OVCH2: variants seen among roughly 807,000 people sequenced by gnomAD.
OVCH2 encodes ovochymase 2.
OVCH2 carries 88 observed loss-of-function variants against 73.7 expected under a neutral mutation model. The ratio of observed to expected loss-of-function variants is 1.19; its 90% CI spans 1.01 to 1.43. The LOEUF is 1.43. Among genes scored for constraint, OVCH2 ranks in the 40% most tolerant of loss-of-function variants. The pLI, the probability that OVCH2 is intolerant of heterozygous loss-of-function variation, is 0.00. For synonymous variants in OVCH2, 265 were observed against 234.5 expected (o/e 1.13, Z -1.19); for missense variants, 706 against 674.5 (o/e 1.05, Z -0.52).
At chr11:7,700,168 G>T in intron 7 of OVCH2, 128 bp downstream of exon 7, 1 of 854,136 alleles carries the variant, frequency 1.2e-6, no homozygotes, top group Non-Finnish European at 1.8e-6. Context: ...CACAATCCTT[G>T]TGTGCTACAC....
At chr11:7,698,871 T>G (rs1856383334) in intron 7 of OVCH2, 98 bp from the exon 8 acceptor site, 1 of 1,278,446 alleles carries the variant, frequency 7.8e-7, no homozygotes, top group Non-Finnish European at 1.1e-6. Context: ...GATTTTTAAG[T>G]CAATATGCAA....
downstream of OVCH2, among the ~76,000 whole-genome samples, chr11:7,685,320 A>T (rs963249679): frequency 6.6e-6 from 1 of 152,184 alleles, no homozygotes; most frequent in African/African-American, 2.4e-5. Context: ...GCTACAGGAC[A>T]TTGGAAGGGC....
intron 3 of OVCH2, 100 bp downstream of exon 3, chr11:7,703,598 C>T (rs564977157): frequency 6.4e-6 from 6 of 931,496 alleles, no homozygotes; most frequent in Non-Finnish European, 6.3e-6. Flanking sequence ...CCAATACTCA[C>T]CTATCACACA....
At chr11:7,678,814 C>T in the OVCH2 span, among the ~76,000 whole-genome samples, 1 of 152,180 alleles carries the variant, frequency 6.6e-6, no homozygotes, top group Non-Finnish European at 1.5e-5. Context: ...GAGGCATGGA[C>T]TGAAAAACTA....
chr11:7,682,776 A>G, the OVCH2 span, among the ~76,000 whole-genome samples: 1 of 152,184 alleles, frequency 6.6e-6, no homozygotes, highest in East Asian at 1.9e-4. Flanking sequence ...ATGACAAAAT[A>G]CCTTCTCTTG....
At chr11:7,696,839 A>G (rs1439649082) in intron 8 of OVCH2, 40 bp from the exon 9 acceptor site, 1 of 1,556,778 alleles carries the variant, frequency 6.4e-7, no homozygotes, top group South Asian at 1.2e-5. Flanking sequence ...TAGTTATGCC[A>G]GTTAACCACA....
chr11:7,684,491 C>T (rs551644649), downstream of OVCH2, among the ~76,000 whole-genome samples: 240 of 130,004 alleles, frequency 1.8e-3, no homozygotes, highest in Middle Eastern at 0.018. Flanking sequence ...TATATATACA[C>T]ACACATACAT....
At chr11:7,678,996 G>A in the OVCH2 span, among the ~76,000 whole-genome samples, 2 of 152,158 alleles carry the variant, frequency 1.3e-5, no homozygotes, top group Non-Finnish European at 2.9e-5. Flanking sequence ...TTTCCAGGCA[G>A]CTGTGAACTT....
At chr11:7,700,571 G>A in intron 6 of OVCH2, 86 bp from the exon 7 acceptor site, 1 of 1,396,052 alleles carries the variant, frequency 7.2e-7, no homozygotes, top group Non-Finnish European at 9.7e-7. Context: ...GATGCTGGAG[G>A]AGGATCAATG....
chr11:7,691,936 T>C lies in OVCH2; in HGVS notation c.1473A>G (p.Thr491=). The C allele has an allele frequency of 6.3e-7, 1 of 1,577,390 alleles. No homozygotes were observed. Among genetic ancestry groups the C allele is most frequent in the Non-Finnish European group, 8.6e-7 (1 of 1,159,762 alleles). Reference sequence around the variant, plus strand: ...TCTTCCTTTCTACATCGCTGTGCACTGTCACATAGTCGGAAGTGCAGTCTC... The same window carrying C: ...TCTTCCTTTCTACATCGCTGTGCACCGTCACATAGTCGGAAGTGCAGTCTC... ...ESGDCTSDYV[T]VHSDVERKKE... Residue 491 remains threonine, a synonymous_variant, in exon 13 of 16, where the codon ACA becomes ACG. Coordinates refer to ENST00000533663, the MANE Select transcript of OVCH2 (RefSeq NM_198185.7).
downstream of OVCH2, among the ~76,000 whole-genome samples, chr11:7,687,307 GAAA>G (rs1267111773): frequency 0.019 from 1,721 of 92,920 alleles, 34 homozygotes; most frequent in African/African-American, 0.086. Context: ...GATGGCTGTG[GAAA>G]TAATAATAAT....
rs1023958124 is a variant in OVCH2, at chr11:7,692,134, G to C, written c.1414-139C>G. ...GAAAGTTAATGGGGTATTCAGGAGTGGGTCAGATTACCAAGGGAAGGATTC... is the reference window on the plus strand; with the variant it reads ...GAAAGTTAATGGGGTATTCAGGAGTCGGTCAGATTACCAAGGGAAGGATTC... On this transcript the variant is annotated intron_variant, in intron 12 of 15. Coordinates refer to ENST00000533663, the MANE Select transcript of OVCH2 (RefSeq NM_198185.7). The C allele has an allele frequency of 1.8e-5, 11 of 626,848 alleles. No individual in the cohort carries two copies. The African/African-American group carries it at 1.8e-4, about 10-fold the overall frequency. 38.8% of individuals were successfully genotyped at this position (626,848 alleles called of 1,614,324 possible). A position where few individuals can be genotyped will look rare whatever the true frequency, so the allele number is the denominator to read the frequency against.
chr11:7,696,706 C>A lies in OVCH2; in HGVS notation c.1016+3G>T. On this transcript the variant is annotated splice_donor_region_variant and intron_variant, in intron 9 of 15. Coordinates refer to ENST00000533663, the MANE Select transcript of OVCH2 (RefSeq NM_198185.7). The stretch of plus-strand genomic sequence containing the variant: ...GAGGAGGAGTACAAAGGGGGTTACT[C>A]ACTGCTTGCTCTCATAATATAGGTG... The A allele has an allele frequency of 1.2e-6, 2 of 1,613,824 alleles. No individual in the cohort carries two copies.
At chr11:7,694,937 G>C in intron 12 of OVCH2, 121 bp downstream of exon 12, 1 of 1,158,814 alleles carries the variant, frequency 8.6e-7, no homozygotes, top group East Asian at 2.7e-5. Context: ...GTCAGGTGCT[G>C]GGTTCTAGGT....
intron 10 of OVCH2, among the ~76,000 whole-genome samples, 194 bp downstream of exon 10, chr11:7,696,271 G>T (rs185933245): frequency 4.6e-5 from 7 of 152,324 alleles, no homozygotes; most frequent in Non-Finnish European, 1.0e-4. Context: ...GATTTGGCAA[G>T]TAAATTGCCC....
intron 2 of OVCH2, among the ~76,000 whole-genome samples, chr11:7,704,161 T>A (rs1291956416): frequency 6.6e-6 from 1 of 152,160 alleles, no homozygotes; most frequent in African/African-American, 2.4e-5. Context: ...AGAGTCCAGC[T>A]GAAGAGGTTT....
intron 11 of OVCH2, among the ~76,000 whole-genome samples, 179 bp downstream of exon 11, chr11:7,695,391 G>C (rs939135828): frequency 5.9e-5 from 9 of 152,192 alleles, no homozygotes; most frequent in African/African-American, 1.9e-4. Flanking sequence ...CGAGCTAGCA[G>C]GGTGAACTCA....
chr11:7,682,740 GTGC>G, the OVCH2 span, among the ~76,000 whole-genome samples: 5 of 152,134 alleles, frequency 3.3e-5, no homozygotes, highest in African/African-American at 9.7e-5. Flanking sequence ...ATAGACATAT[GTGC>G]TGTAATTTCT....
chr11:7,691,415 G>A lies in OVCH2; in HGVS notation c.1508-15C>T. 6.2e-7 allele frequency: 1 copy of A among 1,607,888 alleles called. No homozygotes were observed. Among genetic ancestry groups the A allele is most frequent in the Non-Finnish European group, 8.5e-7 (1 of 1,176,170 alleles). On this transcript the variant is annotated splice_polypyrimidine_tract_variant and intron_variant, in intron 13 of 15. Coordinates refer to ENST00000533663, the MANE Select transcript of OVCH2 (RefSeq NM_198185.7). Reference sequence around the variant, plus strand: ...ACACAGCCGAGCTTGTTGAAGGCCAGCCCAGGCATGACATTGTCAAGCACC... The same window carrying A: ...ACACAGCCGAGCTTGTTGAAGGCCAACCCAGGCATGACATTGTCAAGCACC...
Sources: allele counts gnomAD v4.1 joint callset (sites outside exome capture counted in the v4.1 genomes callset), GRCh38; gene constraint gnomAD v4.1.1; transcripts MANE v1.5; gene names NCBI Gene and HGNC (gene_info 2026-07-23, HGNC 2026-07-21).